The following MNS1 variants were observed in gnomAD, a reference collection of about 807,000 sequenced individuals.
The protein encoded by MNS1 is meiosis specific nuclear structural 1.
Under a neutral mutation model 72.0 loss-of-function variants are expected in MNS1, and 63 were observed. That is an observed-to-expected ratio of 0.87 (90% CI 0.71 to 1.08). The LOEUF (loss-of-function observed/expected upper bound fraction) is 1.08. Among genes scored for constraint, MNS1 ranks in the 50% least tolerant of loss-of-function variants. The pLI is 0.00. For synonymous variants in MNS1, 188 were observed against 172.1 expected, an observed-to-expected ratio of 1.09 and a Z score of -0.72; for missense variants, 604 against 562.4, an observed-to-expected ratio of 1.07 and a Z score of -0.75.
intron 7 of MNS1, among the ~76,000 whole-genome samples, chr15:56,438,258 CA>C: frequency 6.6e-6 from 1 of 152,094 alleles, no homozygotes; most frequent in Non-Finnish European, 1.5e-5. Context: ...GTACTGCTAC[CA>C]AAACAGAGAT....
At chr15:56,454,264 A>G (rs2050966637) in intron 3 of MNS1, among the ~76,000 whole-genome samples, 1 of 152,144 alleles carries the variant, frequency 6.6e-6, no homozygotes, top group Non-Finnish European at 1.5e-5. Context: ...GGGGTACATG[A>G]GACATTTTGA....
Position 56,434,363 on chromosome 15 carries a change from T to C in MNS1, c.1044A>G (p.Lys348=). Residue 348 remains lysine (K), a synonymous_variant, in exon 8 of 10, where the codon AAA becomes AAG. Transcript: ENST00000260453. ...EEAEKKLRKQ[K]EMKQDFEEQM... is the part of the protein sequence containing the mutation. ...GTTCTTCAAAATCTTGCTTCATCTCTTTTTGCTTTCTCAATTTCTTTTCTG... is the reference window on the plus strand; with the variant it reads ...GTTCTTCAAAATCTTGCTTCATCTCCTTTTGCTTTCTCAATTTCTTTTCTG... The C allele has an allele frequency of 1.9e-6, 3 of 1,612,792 alleles. No individual in the cohort carries two copies. Among genetic ancestry groups the C allele is most frequent in the Non-Finnish European group, 2.5e-6 (3 of 1,179,594 alleles).
At chr15:56,430,150 T>C (rs1250254118) in intron 9 of MNS1, 1 of 152,186 alleles carries the variant, frequency 6.6e-6, no homozygotes, top group Non-Finnish European at 1.5e-5. Flanking sequence ...TTTCTATAGC[T>C]GAAAGATGGC....
Position 56,460,009 on chromosome 15 carries a change from A to AAAAAAAAAAAAAAT in MNS1, c.226-3489_226-3488insATTTTTTTTTTTTT. On this transcript the variant is annotated intron_variant, in intron 2 of 9. Coordinates refer to ENST00000260453, the MANE Select transcript of MNS1 (RefSeq NM_018365.4). ...CTGTCTCAAAAAAAAAAAAAAAAAA[A>AAAAAAAAAAAAAAT]ATACATATATATATATATATATATA... Among the ~76,000 whole-genome samples the AAAAAAAAAAAAAAT allele has an allele frequency of 4.3e-3, 113 of 26,376 alleles. 21 individuals are homozygous for AAAAAAAAAAAAAAT. The highest frequency in any genetic ancestry group is 0.014 in the African/African-American group (95 of 6,646). 17.3% of individuals were successfully genotyped at this position (26,376 alleles called of 152,430 possible). A position where few individuals can be genotyped will look rare whatever the true frequency, so the allele number is the denominator to read the frequency against.
At chr15:56,460,850 T>A (rs1218798416) in intron 2 of MNS1, among the ~76,000 whole-genome samples, 2 of 151,974 alleles carry the variant, frequency 1.3e-5, no homozygotes, top group African/African-American at 4.8e-5. Context: ...AGAGAGAAAT[T>A]TTGTATTTGT....
At position 56,461,975 on chromosome 15, in the gene MNS1, G is replaced by GTTGTTGTTTTTTTTTTTTTTTTT. The variant is rs1555449789; in HGVS notation, c.225+2050_225+2051insAAAAAAAAAAAAAAAAACAACAA. Among the ~76,000 whole-genome samples, 2 of 97,916 alleles carry GTTGTTGTTTTTTTTTTTTTTTTT rather than the reference G, an allele frequency of 2.0e-5. 1 individual carries two copies. The highest frequency in any genetic ancestry group is 4.2e-5 in the Non-Finnish European group (2 of 48,016). 64.2% of individuals were successfully genotyped at this position (97,916 alleles called of 152,430 possible). A position where few individuals can be genotyped will look rare whatever the true frequency, so the allele number is the denominator to read the frequency against. ...AATAACAAAGTGTTTTTTTGTTGTTGTTTTTTTTTTTTTTTTTTTTTTTTT... is the reference window on the plus strand; with the variant it reads ...AATAACAAAGTGTTTTTTTGTTGTTGTTGTTGTTTTTTTTTTTTTTTTTTTTTTTTTTTTTTTTTTTTTTTTTT... On this transcript the variant is annotated intron_variant, in intron 2 of 9. Transcript: ENST00000260453.
chr15:56,459,538 T>G (rs2140380700), intron 2 of MNS1, among the ~76,000 whole-genome samples: 1 of 152,318 alleles, frequency 6.6e-6, no homozygotes, highest in South Asian at 2.1e-4. Flanking sequence ...TAAATGGGTG[T>G]TGTTTTAAGC....
At chr15:56,462,668 T>G (rs1005635233) in intron 2 of MNS1, among the ~76,000 whole-genome samples, 19 of 152,202 alleles carry the variant, frequency 1.2e-4, no homozygotes, top group African/African-American at 4.6e-4. Flanking sequence ...TAAGAGGGAC[T>G]TAAACAGACA....
At chr15:56,440,498 TACAAAA>T (rs2050799156) in intron 7 of MNS1, among the ~76,000 whole-genome samples, 2 of 152,176 alleles carry the variant, frequency 1.3e-5, no homozygotes, top group Non-Finnish European at 2.9e-5. Flanking sequence ...TTGATGTTTA[TACAAAA>T]ACCTTTACCT....
chr15:56,445,564 C>A (rs2050893143), intron 4 of MNS1: 1 of 151,954 alleles, frequency 6.6e-6, no homozygotes, highest in African/African-American at 2.4e-5. Context: ...TTCTGATTAT[C>A]TTCTTTGTAC....
chr15:56,429,375 A>C (rs1248248536), intron 9 of MNS1, 182 bp from the exon 10 acceptor site: 1 of 520,882 alleles, frequency 1.9e-6, no homozygotes. Flanking sequence ...ATATATATTG[A>C]ATATTCCTAG....
intron 2 of MNS1, among the ~76,000 whole-genome samples, chr15:56,456,828 C>T (rs1483536646): frequency 1.3e-5 from 2 of 151,914 alleles, no homozygotes; most frequent in Admixed American, 6.6e-5. Flanking sequence ...TCTTTTTTCC[C>T]TTATTCTTTT....
intron 4 of MNS1, among the ~76,000 whole-genome samples, chr15:56,446,259 C>T (rs2050901839): frequency 6.6e-6 from 1 of 151,918 alleles, no homozygotes; most frequent in Non-Finnish European, 1.5e-5. Context: ...GGATGATGTG[C>T]ACCCTTTTAA....
In MNS1 at chr15:56,428,903, A is replaced by G. The variant is rs373385129; in HGVS notation, c.*198T>C. The stretch of plus-strand genomic sequence containing the variant: ...AGTGTTGTAGAAATCGGATTTTGAA[A>G]TTATCAGTACAAAAATAACAGCTTG... On this transcript the variant is annotated 3_prime_UTR_variant, in exon 10 of 10. Coordinates refer to ENST00000260453, the MANE Select transcript of MNS1 (RefSeq NM_018365.4). 3 of 514,304 alleles carry G rather than the reference A, an allele frequency of 5.8e-6. No individual in the cohort carries two copies. In the South Asian group the frequency reaches 8.0e-5, roughly 14 times the overall value. The allele number at this position is 514,304 out of a possible 1,614,324, so 31.9% of individuals were successfully genotyped here.
At chr15:56,446,322 T>C (rs1190332035) in intron 4 of MNS1, among the ~76,000 whole-genome samples, 2 of 152,038 alleles carry the variant, frequency 1.3e-5, no homozygotes, top group African/African-American at 4.8e-5. Flanking sequence ...AAAGCACTCC[T>C]AGTGAGTATG....
intron 2 of MNS1, among the ~76,000 whole-genome samples, chr15:56,460,794 G>A (rs1288249023): frequency 1.1e-4 from 17 of 152,084 alleles, no homozygotes; most frequent in Non-Finnish European, 2.2e-4. Context: ...TGATAACAGC[G>A]CTTCCTGGCA....
chr15:56,446,172 A>T (rs2050900516), intron 4 of MNS1, among the ~76,000 whole-genome samples: 1 of 152,068 alleles, frequency 6.6e-6, no homozygotes, highest in African/African-American at 2.4e-5. Flanking sequence ...GTTTATGTGG[A>T]CATACACAAT....
At chr15:56,461,676 A>C (rs959651908) in intron 2 of MNS1, among the ~76,000 whole-genome samples, 1 of 151,118 alleles carries the variant, frequency 6.6e-6, no homozygotes, top group African/African-American at 2.4e-5. Context: ...AAAAAAAAAA[A>C]AAAAAACGAC....
chr15:56,461,682 A>AC (rs1491135418), intron 2 of MNS1, among the ~76,000 whole-genome samples: 1 of 146,142 alleles, frequency 6.8e-6, no homozygotes, highest in Non-Finnish European at 1.5e-5. Context: ...AAAAAAAAAA[A>AC]CGACACAGAG....
Sources: allele counts gnomAD v4.1 joint callset (sites outside exome capture counted in the v4.1 genomes callset), GRCh38; gene constraint gnomAD v4.1.1; transcripts MANE v1.5; gene names NCBI Gene and HGNC (gene_info 2026-07-23, HGNC 2026-07-21).